FAM131C: variants seen among roughly 807,000 people sequenced by gnomAD.
FAM131C encodes protein FAM131C.
In FAM131C, 14 loss-of-function variants were observed where a neutral mutation model predicts 29.8. That is an observed-to-expected ratio of 0.47 (90% CI 0.31 to 0.73). The LOEUF (loss-of-function observed/expected upper bound fraction) is 0.73. Ranked by LOEUF, FAM131C falls within the 30% of genes least tolerant of loss-of-function variation. The probability of loss-of-function intolerance (pLI) is 0.05; values close to 1 mark genes in which losing one functional copy is unlikely to be tolerated. For missense variants in FAM131C, 252 were observed against 383.8 expected (o/e 0.66, Z 2.87); for synonymous variants, 86 against 157.8 (o/e 0.54, Z 3.41).
At chr1:16,059,808 G>GA (rs2023565047) in intron 5 of FAM131C, 61 bp downstream of exon 5, 19 of 1,448,250 alleles carry the variant, frequency 1.3e-5, no homozygotes, top group Non-Finnish European at 1.8e-5. Context: ...GCAGTGATCT[G>GA]GGCCCCCAAG....
rs927533420 is a variant in FAM131C at position 16,073,366 on chromosome 1, G to A, written c.22+55C>T. On this transcript the variant is annotated intron_variant, in intron 1 of 6. Coordinates refer to ENST00000375662, the MANE Select transcript of FAM131C (RefSeq NM_182623.3). ...TCCCCCAGGTCTCCGAGCGGCGAGG[G>A]GACTGCGCGGGTCCCCGGCACCCGA... The A allele has an allele frequency of 3.9e-6, 4 of 1,033,524 alleles. No individual in the cohort carries two copies. In the African/African-American group the frequency reaches 6.7e-5, roughly 17 times the overall value. 64.0% of individuals were successfully genotyped at this position (1,033,524 alleles called of 1,614,324 possible). A position where few individuals can be genotyped will look rare whatever the true frequency, so the allele number is the denominator to read the frequency against.
chr1:16,065,675 G>A (rs1309374296), intron 1 of FAM131C, among the ~76,000 whole-genome samples: 2 of 152,156 alleles, frequency 1.3e-5, no homozygotes, highest in Non-Finnish European at 2.9e-5. Flanking sequence ...TCTGGGATCC[G>A]AAAATTCCCC....
chr1:16,063,474 C>G, intron 2 of FAM131C, 47 bp downstream of exon 2: 1 of 1,452,978 alleles, frequency 6.9e-7, no homozygotes, highest in Middle Eastern at 2.0e-4. Flanking sequence ...GGAGACAGGC[C>G]GGGAACCGGG....
intron 1 of FAM131C, among the ~76,000 whole-genome samples, chr1:16,073,211 G>T (rs1195779339): frequency 2.6e-5 from 4 of 152,110 alleles, no homozygotes; most frequent in African/African-American, 7.2e-5. Context: ...ACTGGGGCGG[G>T]GATGCGGTGA....
chr1:16,065,162 C>T (rs76611045), intron 1 of FAM131C, among the ~76,000 whole-genome samples: 6,185 of 152,234 alleles, frequency 0.041, 163 homozygotes, highest in African/African-American at 0.064. Flanking sequence ...AAGGGGCACC[C>T]CAAGCACACC....
At chr1:16,067,160 C>T (rs962910516) in intron 1 of FAM131C, among the ~76,000 whole-genome samples, 2 of 152,178 alleles carry the variant, frequency 1.3e-5, no homozygotes, top group African/African-American at 4.8e-5. Flanking sequence ...TGGCTCCCCA[C>T]CTCAGTTGGG....
chr1:16,062,388 C>CCG (rs1024030912), intron 3 of FAM131C, 111 bp downstream of exon 3: 10 of 1,227,664 alleles, frequency 8.1e-6, no homozygotes, highest in Non-Finnish European at 8.9e-6. Flanking sequence ...AGGCCCCCCC[C>CCG]CCCCCCGCCC....
chr1:16,060,947 C>T lies in FAM131C; in HGVS notation c.269-896G>A, dbSNP rs541496446. 4.6e-5 allele frequency among the ~76,000 whole-genome samples: 7 copies of T among 152,094 alleles called. No individual in the cohort carries two copies. In the East Asian group the frequency reaches 7.7e-4, roughly 17 times the overall value. On this transcript the variant is annotated intron_variant, in intron 4 of 6. Coordinates refer to ENST00000375662, the MANE Select transcript of FAM131C (RefSeq NM_182623.3). ...ACAGACAAGGCAAGGGCTGGGCAGA[C>T]AGAGAGGAGGGGTCGGGGGCTTTGG...
chr1:16,066,152 G>A (rs1218631755), intron 1 of FAM131C, among the ~76,000 whole-genome samples: 2 of 152,176 alleles, frequency 1.3e-5, no homozygotes, highest in Admixed American at 1.3e-4. Context: ...CTTCCAAAGT[G>A]CTGGGATTAC....
chr1:16,063,629 G>C lies in FAM131C; in HGVS notation c.30C>G (p.Phe10Leu). The change falls in exon 2 of 7, where the codon TTC becomes TTG. Residue 10 changes from phenylalanine to leucine, a missense_variant. Physicochemically the swap from Phe to Leu is conservative, Grantham distance 22. This residue lies in a region of FAM131C where 76 missense variants were observed against 62.8 expected (regional missense o/e 1.21). Transcript: ENST00000375662. ...TGGGGCAGTTCTTGTGGGCACTTGT[G>C]AACAGGTCTGGAAATAAGAGCAAGA... is the stretch of plus-strand genomic sequence containing the variant. MGSCVSRDL[F>L]TSAHKNCPMP... is the part of the protein sequence containing the mutation. 6.2e-7 allele frequency: 1 copy of C among 1,607,888 alleles called. No homozygotes were observed. Among genetic ancestry groups the C allele is most frequent in the Non-Finnish European group, 8.5e-7 (1 of 1,176,246 alleles).
At chr1:16,071,131 G>A (rs754636684) in intron 1 of FAM131C, among the ~76,000 whole-genome samples, 2 of 152,230 alleles carry the variant, frequency 1.3e-5, no homozygotes, top group Admixed American at 6.5e-5. Flanking sequence ...GGCACTGAGC[G>A]CTCAGAGGCT....
At position 16,063,530 on chromosome 1, in the gene FAM131C, GAC is replaced by G. The variant is rs761075750; in HGVS notation, c.127_128del (p.Val43HisfsTer89). 1.2e-6 allele frequency: 2 copies of G among 1,613,278 alleles called. No individual in the cohort carries two copies. Among genetic ancestry groups the G allele is most frequent in the Middle Eastern group, 1.7e-4 (1 of 5,982 alleles). On this transcript the variant is annotated frameshift_variant, in exon 2 of 7. Coordinates refer to ENST00000375662, the MANE Select transcript of FAM131C (RefSeq NM_182623.3). LOFTEE classifies it high-confidence loss of function. ...AGGAGCAGCCAGTTACCTTGCCAAT[GAC>G]ACAGTCTGGAGCCACGGTGGGAGTG... ...GRTPTVAPDCVIGKDKQMDFC... is the reference protein window; with the variant it reads ...GRTPTVAPDCXIGKDKQMDFC...
chr1:16,071,906 G>C (rs1397541967), intron 1 of FAM131C, among the ~76,000 whole-genome samples: 1 of 152,192 alleles, frequency 6.6e-6, no homozygotes, highest in Non-Finnish European at 1.5e-5. Flanking sequence ...CAAGGTGCCT[G>C]ATATGGGGTG....
chr1:16,062,396 C>A (rs1462096823), intron 3 of FAM131C, 103 bp downstream of exon 3: 2 of 1,358,452 alleles, frequency 1.5e-6, no homozygotes, highest in Non-Finnish European at 2.0e-6. Flanking sequence ...CCCCCCCCCG[C>A]CCCAGGGCCA....
At chr1:16,059,835 C>G (rs1381358818) in intron 5 of FAM131C, 34 bp downstream of exon 5, 8 of 1,601,344 alleles carry the variant, frequency 5.0e-6, no homozygotes, top group Admixed American at 1.7e-5. Context: ...GCTTCACCCC[C>G]ACAGAGCCCT....
At chr1:16,058,799 G>T in intron 6 of FAM131C, 82 bp from the exon 7 acceptor site, 2 of 1,303,384 alleles carry the variant, frequency 1.5e-6, no homozygotes, top group Non-Finnish European at 2.1e-6. Flanking sequence ...AAAGGGCAAG[G>T]GGCAGAAGAC....
intron 1 of FAM131C, among the ~76,000 whole-genome samples, chr1:16,071,738 T>C (rs1300688979): frequency 1.3e-5 from 2 of 152,154 alleles, no homozygotes; most frequent in East Asian, 3.9e-4. Flanking sequence ...CAAAGAGCCC[T>C]GGCAGAGGGG....
chr1:16,060,960 T>A (rs890865328), intron 4 of FAM131C, among the ~76,000 whole-genome samples: 1 of 151,000 alleles, frequency 6.6e-6, no homozygotes. Context: ...AGAGGAGGGG[T>A]CGGGGGCTTT....
intron 1 of FAM131C, among the ~76,000 whole-genome samples, chr1:16,071,999 C>A (rs1409794154): frequency 6.6e-6 from 1 of 152,176 alleles, no homozygotes; most frequent in Non-Finnish European, 1.5e-5. Flanking sequence ...CTGCCTAGAA[C>A]CTTTGGGGTT....
Sources: allele counts gnomAD v4.1 joint callset (sites outside exome capture counted in the v4.1 genomes callset), GRCh38; gene constraint gnomAD v4.1.1; regional missense constraint gnomAD v4.1.1; transcripts MANE v1.5; gene names NCBI Gene and HGNC (gene_info 2026-07-23, HGNC 2026-07-21).